Variants in ERBB4 observed in about 807,000 individuals in gnomAD.
ERBB4 encodes erb-b2 receptor tyrosine kinase 4, also known as receptor tyrosine-protein kinase erbB-4.
A neutral mutation model predicts 158.0 loss-of-function variants in ERBB4; 42 were observed. The ratio of observed to expected loss-of-function variants is 0.27; its 90% CI spans 0.21 to 0.34. The LOEUF is 0.34. ERBB4 is among the 10% of genes least tolerant of loss of function. The pLI is 1.00. For synonymous variants in ERBB4, 583 were observed against 558.7 expected (o/e 1.04, Z -0.61); for missense variants, 1,333 against 1,624.1 (o/e 0.82, Z 3.08).
chr2:212,353,815 C>T (rs964775582), intron 1 of ERBB4, among the ~76,000 whole-genome samples: 2 of 152,046 alleles, frequency 1.3e-5, no homozygotes, highest in African/African-American at 2.4e-5. Context: ...ACACTTGAAA[C>T]CATGTAACTA....
rs187481884 is a variant in ERBB4, at chr2:212,219,066, G to A, written c.83-94163C>T. ...GTTTTAAAATAGTATTTTCTCCCCC[G>A]ATTTAAAGAAAGGAAAGAATAGAGA... On this transcript the variant is annotated intron_variant, in intron 1 of 27. Coordinates refer to ENST00000342788, the MANE Select transcript of ERBB4 (RefSeq NM_005235.3). 5.7e-3 allele frequency among the ~76,000 whole-genome samples: 859 copies of A among 150,932 alleles called. 7 individuals carry two copies. The highest frequency in any genetic ancestry group is 9.9e-3 in the Non-Finnish European group (664 of 67,388).
chr2:211,677,617 G>T (rs1310130658), intron 13 of ERBB4, among the ~76,000 whole-genome samples: 3 of 151,736 alleles, frequency 2.0e-5, no homozygotes, highest in African/African-American at 7.3e-5. Flanking sequence ...GCTTACGCCT[G>T]TAATCCCAGC....
At chr2:212,354,941 G>A (rs750516859) in intron 1 of ERBB4, among the ~76,000 whole-genome samples, 2 of 151,878 alleles carry the variant, frequency 1.3e-5, no homozygotes, top group Non-Finnish European at 2.9e-5. Context: ...GCTTATGAGT[G>A]CTACAATGTT....
At chr2:212,240,609 G>T (rs2084050913) in intron 1 of ERBB4, among the ~76,000 whole-genome samples, 1 of 112,732 alleles carries the variant, frequency 8.9e-6, no homozygotes, top group Non-Finnish European at 1.7e-5. Flanking sequence ...TTGCACTCCA[G>T]TCTGGGCAAC....
intron 20 of ERBB4, among the ~76,000 whole-genome samples, chr2:211,559,334 T>C (rs1264857172): frequency 6.6e-6 from 1 of 152,216 alleles, no homozygotes; most frequent in Non-Finnish European, 1.5e-5. Flanking sequence ...TAAATGAGAT[T>C]ATGTCAATTG....
Position 211,558,980 on chromosome 2 carries a change from A to G in ERBB4, c.2487+2923T>C, listed in dbSNP as rs865837140. ...ACCTATAATTCCTAAATGTATATAT[A>G]CAGTACTGACCAAATTTAACTACCT... is the stretch of plus-strand genomic sequence containing the variant. On this transcript the variant is annotated intron_variant, in intron 20 of 27. Transcript: ENST00000342788. Among the ~76,000 whole-genome samples the G allele has an allele frequency of 4.6e-5, 7 of 152,268 alleles. No homozygotes were observed. The South Asian group carries it at 1.5e-3, about 32-fold the overall frequency.
intron 1 of ERBB4, among the ~76,000 whole-genome samples, chr2:212,422,400 T>C (rs2091813809): frequency 1.3e-5 from 2 of 152,068 alleles, no homozygotes; most frequent in Non-Finnish European, 1.5e-5. Context: ...CAGGAGGTTA[T>C]GGCAGGAGAA....
At chr2:212,005,597 G>A (rs1284022257) in intron 2 of ERBB4, among the ~76,000 whole-genome samples, 3 of 152,098 alleles carry the variant, frequency 2.0e-5, no homozygotes, top group Non-Finnish European at 4.4e-5. Context: ...TCCAAACAGT[G>A]CAAGCAGCAA....
intron 3 of ERBB4, among the ~76,000 whole-genome samples, chr2:211,843,325 T>G (rs1031374516): frequency 3.9e-5 from 6 of 152,146 alleles, no homozygotes; most frequent in Non-Finnish European, 8.8e-5. Context: ...AAAGCCAGTC[T>G]AAATAAGAAG....
intron 16 of ERBB4, among the ~76,000 whole-genome samples, chr2:211,634,819 A>G (rs76248533): frequency 0.03 from 4,492 of 152,262 alleles, 243 homozygotes; most frequent in African/African-American, 0.1. Context: ...CTGGGATTAC[A>G]GGTGACTGCC....
intron 2 of ERBB4, among the ~76,000 whole-genome samples, chr2:211,966,923 G>T (rs528177073): frequency 1.3e-5 from 2 of 152,182 alleles, no homozygotes; most frequent in East Asian, 1.9e-4. Context: ...GGAGCTTCAG[G>T]TGAGAGAATA....
intron 2 of ERBB4, chr2:212,124,475 A>G (rs577743335): frequency 1.8e-4 from 76 of 430,466 alleles, no homozygotes; most frequent in African/African-American, 1.5e-3. Flanking sequence ...TTGTCAGAAA[A>G]AGATTTGCTA....
chr2:212,251,337 A>G (rs1221395396), intron 1 of ERBB4, among the ~76,000 whole-genome samples: 1 of 152,022 alleles, frequency 6.6e-6, no homozygotes, highest in Non-Finnish European at 1.5e-5. Flanking sequence ...ACATTTATTC[A>G]TATTTAATAT....
intron 19 of ERBB4, among the ~76,000 whole-genome samples, chr2:211,565,760 C>T (rs2067527662): frequency 6.6e-6 from 1 of 151,928 alleles, no homozygotes; most frequent in African/African-American, 2.4e-5. Context: ...TTTATTTTTT[C>T]AGTAAGGAAA....
intron 2 of ERBB4, among the ~76,000 whole-genome samples, chr2:212,023,706 A>G (rs867876047): frequency 1.3e-5 from 2 of 151,778 alleles, no homozygotes; most frequent in African/African-American, 2.4e-5. Context: ...TGCTAATTCA[A>G]CTTTTCTTTT....
intron 1 of ERBB4, among the ~76,000 whole-genome samples, chr2:212,260,023 C>G (rs1005818857): frequency 2.0e-5 from 3 of 150,066 alleles, no homozygotes; most frequent in Non-Finnish European, 4.4e-5. Flanking sequence ...GAACCGAGAT[C>G]GTGCCATTGC....
Position 212,139,660 on chromosome 2 carries a change from G to T in ERBB4, c.83-14757C>A, listed in dbSNP as rs547141607. On this transcript the variant is annotated intron_variant, in intron 1 of 27. Coordinates refer to ENST00000342788, the MANE Select transcript of ERBB4 (RefSeq NM_005235.3). ...TTTAAATTAATGTGAATTTCTGAGA[G>T]TCTAAATTATATATTTTGTAGCTGA... Among the ~76,000 whole-genome samples the T allele has an allele frequency of 3.9e-5, 6 of 151,988 alleles. No homozygotes were observed. In the South Asian group the frequency reaches 6.2e-4, roughly 16 times the overall value.
intron 1 of ERBB4, among the ~76,000 whole-genome samples, chr2:212,514,622 T>C (rs1047160760): frequency 2.6e-5 from 4 of 152,106 alleles, no homozygotes; most frequent in South Asian, 2.1e-4. Context: ...CTGGCCAACA[T>C]GGTAAAACCC....
intron 9 of ERBB4, among the ~76,000 whole-genome samples, chr2:211,709,143 C>T (rs1298040406): frequency 6.6e-6 from 1 of 151,432 alleles, no homozygotes; most frequent in Non-Finnish European, 1.5e-5. Context: ...CATTTTTATT[C>T]ATTGGACTAC....
Sources: allele counts gnomAD v4.1 joint callset (sites outside exome capture counted in the v4.1 genomes callset), GRCh38; gene constraint gnomAD v4.1.1; transcripts MANE v1.5; gene names NCBI Gene and HGNC (gene_info 2026-07-23, HGNC 2026-07-21).